Variants in MRPL50 observed in about 807,000 individuals in gnomAD.
The protein encoded by MRPL50 is mitochondrial ribosomal protein L50, also known as large ribosomal subunit protein mL50.
MRPL50 carries 10 observed loss-of-function variants against 16.2 expected under a neutral mutation model. The observed-to-expected ratio is 0.62, with a 90% CI of 0.38 to 1.05. The LOEUF is 1.05. Among genes scored for constraint, MRPL50 ranks in the 50% least tolerant of loss-of-function variants. MRPL50 has a pLI of 0.01. For synonymous variants in MRPL50, 68 were observed against 66.8 expected (o/e 1.02, Z -0.09); for missense variants, 213 against 187.1 (o/e 1.14, Z -0.81).
In MRPL50 at chr9:101,388,165, G is replaced by A. The variant is rs758878916; in HGVS notation, c.*2301C>T. 6.6e-6 allele frequency: 1 copy of A among 151,974 alleles called. No homozygotes were observed. Among genetic ancestry groups the A allele is most frequent in the Non-Finnish European group, 1.5e-5 (1 of 67,966 alleles). 9.4% of individuals were successfully genotyped at this position (151,974 alleles called of 1,614,324 possible). A position where few individuals can be genotyped will look rare whatever the true frequency, so the allele number is the denominator to read the frequency against. On this transcript the variant is annotated 3_prime_UTR_variant, in exon 2 of 2. Coordinates refer to ENST00000374865, the MANE Select transcript of MRPL50 (RefSeq NM_019051.3). ...GACCTACTCCAGACTTACCAAATCA[G>A]AATTTGCATTTTTAAAAGATCCCCA... is the stretch of plus-strand genomic sequence containing the variant.
In MRPL50 at chr9:101,389,961, A is replaced by C. The variant is rs1484479162; in HGVS notation, c.*505T>G. Reference sequence around the variant, plus strand: ...ATTTCACTTAAAAAATTTACAACACACAATACACTTTAACAAATCTACTTT... The same window carrying C: ...ATTTCACTTAAAAAATTTACAACACCCAATACACTTTAACAAATCTACTTT... On this transcript the variant is annotated 3_prime_UTR_variant, in exon 2 of 2. Coordinates refer to ENST00000374865, the MANE Select transcript of MRPL50 (RefSeq NM_019051.3). The C allele has an allele frequency of 1.1e-6, 1 of 900,708 alleles. No homozygotes were observed. Among genetic ancestry groups the C allele is most frequent in the Non-Finnish European group, 1.3e-6 (1 of 752,490 alleles). 55.8% of individuals were successfully genotyped at this position (900,708 alleles called of 1,614,324 possible). A position where few individuals can be genotyped will look rare whatever the true frequency, so the allele number is the denominator to read the frequency against.
intron 1 of MRPL50, among the ~76,000 whole-genome samples, chr9:101,392,597 A>G (rs1310557919): frequency 1.3e-5 from 2 of 152,046 alleles, no homozygotes; most frequent in Non-Finnish European, 2.9e-5. Context: ...ACGAAGAAAA[A>G]GAAAACCCAA....
At chr9:101,391,871 T>C (rs896603098) in intron 1 of MRPL50, among the ~76,000 whole-genome samples, 1 of 152,078 alleles carries the variant, frequency 6.6e-6, no homozygotes, top group Non-Finnish European at 1.5e-5. Flanking sequence ...GCAGAATACA[T>C]ATTCTTCTCA....
rs1006866446 is a variant in MRPL50, at chr9:101,389,258, G to A, written c.*1208C>T. The A allele has an allele frequency of 2.0e-5, 5 of 248,658 alleles. No homozygotes were observed. The highest frequency in any genetic ancestry group is 4.1e-5 in the Non-Finnish European group (5 of 123,338). The allele number at this position is 248,658 out of a possible 1,614,324, so 15.4% of individuals were successfully genotyped here. A position where few individuals can be genotyped will look rare whatever the true frequency, so the allele number is the denominator to read the frequency against. On this transcript the variant is annotated 3_prime_UTR_variant, in exon 2 of 2. Transcript: ENST00000374865. ...CTACATCATTTTATAAAAGGGGCTT[G>A]GGCATCTGTGGACTTTGGTATCCAA...
chr9:101,394,062 G>C (rs1414731824), intron 1 of MRPL50, among the ~76,000 whole-genome samples: 1 of 146,542 alleles, frequency 6.8e-6, no homozygotes, highest in Non-Finnish European at 1.5e-5. Context: ...AGCTGTCCTT[G>C]TTCATTCCTG....
Position 101,389,829 on chromosome 9 carries a change from G to T in MRPL50, c.*637C>A. 4.8e-6 allele frequency: 1 copy of T among 207,376 alleles called. No homozygotes were observed. Among genetic ancestry groups the T allele is most frequent in the Non-Finnish European group, 8.5e-6 (1 of 117,222 alleles). 12.8% of individuals were successfully genotyped at this position (207,376 alleles called of 1,614,324 possible). A position where few individuals can be genotyped will look rare whatever the true frequency, so the allele number is the denominator to read the frequency against. On this transcript the variant is annotated 3_prime_UTR_variant, in exon 2 of 2. Coordinates refer to ENST00000374865, the MANE Select transcript of MRPL50 (RefSeq NM_019051.3). ...AATATGCAATTAGACATAGAATCTGGCACATCTCTTATGAGGAAGAGTCAC... is the reference window on the plus strand; with the variant it reads ...AATATGCAATTAGACATAGAATCTGTCACATCTCTTATGAGGAAGAGTCAC...
chr9:101,397,597 T>C (rs1401320939), intron 1 of MRPL50, among the ~76,000 whole-genome samples: 2 of 152,174 alleles, frequency 1.3e-5, no homozygotes, highest in Non-Finnish European at 2.9e-5. Context: ...GCCTGGCATA[T>C]AGTAAACAGC....
Position 101,398,560 on chromosome 9 carries a change from T to C in MRPL50, c.33A>G (p.Arg11=), listed in dbSNP as rs776748137. 27 of 1,613,920 alleles carry C rather than the reference T, an allele frequency of 1.7e-5. No homozygotes were observed. The East Asian group carries it at 4.9e-4, about 29-fold the overall frequency. The change falls in exon 1 of 2, where the codon AGA becomes AGG. Residue 11 remains arginine, a synonymous_variant. Transcript: ENST00000374865. The part of the protein sequence containing the change: MAARSVSGIT[R]RVFMWTVSGT... ...CTGAGACTGTCCACATGAAGACTCT[T>C]CTGGTAATGCCCGACACAGATCGCG...
intron 1 of MRPL50, among the ~76,000 whole-genome samples, chr9:101,395,369 G>A (rs909435387): frequency 1.3e-5 from 2 of 152,070 alleles, no homozygotes; most frequent in African/African-American, 4.8e-5. Flanking sequence ...ATTTCCCAAA[G>A]AAATTAAAAA....
rs543543332 is a variant in MRPL50, at chr9:101,397,792, T to C, written c.92+709A>G. On this transcript the variant is annotated intron_variant, in intron 1 of 1. Coordinates refer to ENST00000374865, the MANE Select transcript of MRPL50 (RefSeq NM_019051.3). ...ACATTGCTCCCTAGGGTTCCTACCA[T>C]ACGTTTTGATTTCCTAAACACTATC... Among the ~76,000 whole-genome samples, 7 of 152,362 alleles carry C rather than the reference T, an allele frequency of 4.6e-5. No homozygotes were observed. The South Asian group carries it at 1.4e-3, about 32-fold the overall frequency.
chr9:101,394,708 T>C (rs372606746), intron 1 of MRPL50, among the ~76,000 whole-genome samples: 49 of 152,126 alleles, frequency 3.2e-4, no homozygotes, highest in Non-Finnish European at 6.3e-4. Flanking sequence ...GAAGAAAACA[T>C]TGGGGAGATG....
In MRPL50 at chr9:101,390,192, TA is replaced by T; in HGVS notation, c.*273del. The T allele has an allele frequency of 8.6e-7, 1 of 1,156,208 alleles. No individual in the cohort carries two copies. Among genetic ancestry groups the T allele is most frequent in the South Asian group, 2.7e-5 (1 of 36,916 alleles). The allele number at this position is 1,156,208 out of a possible 1,614,324, so 71.6% of individuals were successfully genotyped here. ...GTGAACTTGCAATGTCCTCCTGTCT[TA>T]AACCCAAGTTGACAGTGCCCTCTCA... On this transcript the variant is annotated 3_prime_UTR_variant, in exon 2 of 2. Coordinates refer to ENST00000374865, the MANE Select transcript of MRPL50 (RefSeq NM_019051.3).
At chr9:101,396,267 T>A (rs778900301) in intron 1 of MRPL50, among the ~76,000 whole-genome samples, 4 of 152,134 alleles carry the variant, frequency 2.6e-5, no homozygotes, top group Non-Finnish European at 5.9e-5. Flanking sequence ...AACAGAACTA[T>A]CCTAACTATC....
rs878863583 is a variant in MRPL50 at position 101,390,510 on chromosome 9, C to A, written c.433G>T (p.Ala145Ser). The change falls in exon 2 of 2, where the codon GCC (alanine) becomes TCC (serine). Residue 145 changes from alanine (A) to serine (S), a missense_variant. Transcript: ENST00000374865. ...TTCAAATTGGGGGGCAGATTACTGG[C>A]ACTGAGTTCATCAAATTTAGATCTA... ...QDRSKFDELS[A>S]SNLPPNLKIT... 1 of 1,612,806 alleles carries A rather than the reference C, an allele frequency of 6.2e-7. No individual in the cohort carries two copies. The highest frequency in any genetic ancestry group is 2.2e-5 in the East Asian group (1 of 44,860).
At chr9:101,393,971 T>C (rs1197668617) in intron 1 of MRPL50, among the ~76,000 whole-genome samples, 1 of 79,042 alleles carries the variant, frequency 1.3e-5, no homozygotes, top group Non-Finnish European at 2.4e-5. Flanking sequence ...ATGCCTTGAA[T>C]AGCCAAAGTA....
chr9:101,392,282 T>G (rs1830283518), intron 1 of MRPL50, among the ~76,000 whole-genome samples: 1 of 151,212 alleles, frequency 6.6e-6, no homozygotes. Context: ...CCAAAATTAG[T>G]AGAAGGAAAG....
At chr9:101,390,974 G>T in intron 1 of MRPL50, 124 bp from the exon 2 acceptor site, 1 of 1,090,398 alleles carries the variant, frequency 9.2e-7, no homozygotes, top group South Asian at 1.6e-5. Context: ...ACTGAGAGTA[G>T]GAAAGAATAT....
At chr9:101,391,577 T>C (rs565235840) in intron 1 of MRPL50, among the ~76,000 whole-genome samples, 3 of 151,958 alleles carry the variant, frequency 2.0e-5, no homozygotes, top group Non-Finnish European at 4.4e-5. Context: ...TCAAAAACTA[T>C]AAGAGATAAA....
At position 101,389,567 on chromosome 9, in the gene MRPL50, CAATAT is replaced by C. The variant is rs1830242892; in HGVS notation, c.*894_*898del. ...CTTTAGGAATTGTCAGCAGTCAGAA[CAATAT>C]AAGACATTCCTTCTGTCTCATTACT... is the stretch of plus-strand genomic sequence containing the variant. On this transcript the variant is annotated 3_prime_UTR_variant, in exon 2 of 2. Coordinates refer to ENST00000374865, the MANE Select transcript of MRPL50 (RefSeq NM_019051.3). 1.1e-6 allele frequency: 1 copy of C among 879,422 alleles called. No homozygotes were observed. Among genetic ancestry groups the C allele is most frequent in the African/African-American group, 1.8e-5 (1 of 55,802 alleles). 54.5% of individuals were successfully genotyped at this position (879,422 alleles called of 1,614,324 possible).
Sources: gnomAD v4.1 joint callset for allele counts (sites outside exome capture counted in the v4.1 genomes callset) on GRCh38, gnomAD v4.1.1 for gene constraint, MANE v1.5 for transcripts, NCBI Gene and HGNC (gene_info 2026-07-23, HGNC 2026-07-21) for gene names.